The following DCAF6 variants were observed in gnomAD, a reference collection of about 807,000 sequenced individuals.
DCAF6 encodes DDB1 and CUL4 associated factor 6, also known as DDB1- and CUL4-associated factor 6.
In DCAF6, 54 loss-of-function variants were observed where a neutral mutation model predicts 125.1. That is an observed-to-expected ratio of 0.43 (90% CI 0.35 to 0.54). The LOEUF is 0.54. Among genes scored for constraint, DCAF6 ranks in the 20% least tolerant of loss-of-function variants. DCAF6 has a pLI of 0.01. For missense variants in DCAF6, 934 were observed against 1,161.7 expected (o/e 0.80, Z 2.85); for synonymous variants, 371 against 390.4 (o/e 0.95, Z 0.58).
chr1:168,033,887 AT>A (rs572509450), intron 12 of DCAF6, among the ~76,000 whole-genome samples: 298 of 152,302 alleles, frequency 2.0e-3, no homozygotes, highest in African/African-American at 6.5e-3. Context: ...GTTAAAAGGG[AT>A]TTTTTCCCCA....
rs539921883 is a variant in DCAF6, at chr1:168,032,020, A to G, written c.1610-6351A>G. Among the ~76,000 whole-genome samples the G allele has an allele frequency of 2.5e-4, 38 of 152,368 alleles. No individual in the cohort carries two copies. In the South Asian group the frequency reaches 3.5e-3, roughly 14 times the overall value. On this transcript the variant is annotated intron_variant, in intron 12 of 21. Transcript: ENST00000367840. ...TTCAATCTAAATGTATCGAAATCAC[A>G]TATTTAAGTTCAATTCACACTTCTA...
At position 168,063,757 on chromosome 1, in the gene DCAF6, A is replaced by G. The variant is rs781581187; in HGVS notation, c.2437A>G (p.Met813Val). 4 of 1,597,176 alleles carry G rather than the reference A, an allele frequency of 2.5e-6. No homozygotes were observed. Among genetic ancestry groups the G allele is most frequent in the African/African-American group, 2.7e-5 (2 of 73,670 alleles). ...TAAAGGCCATCGCAACTCCAGGACA[A>G]TGGTACCAAATGTTCATGGCATTTT... is the stretch of plus-strand genomic sequence containing the variant. ...VYKGHRNSRTMIKEANFWGAN... is the reference protein window; with the variant it reads ...VYKGHRNSRTVIKEANFWGAN... Residue 813 changes from methionine to valine, a missense_variant and splice_region_variant, in exon 18 of 22, where the codon ATG becomes GTG. Met to Val is a conservative substitution (Grantham distance 21). This residue lies in a region of DCAF6 where 559 missense variants were observed against 635.5 expected (regional missense o/e 0.88). Transcript: ENST00000367840.
intron 17 of DCAF6, among the ~76,000 whole-genome samples, chr1:168,052,895 G>C: frequency 6.6e-6 from 1 of 152,096 alleles, no homozygotes; most frequent in Non-Finnish European, 1.5e-5. Flanking sequence ...ATATAAAGAA[G>C]AAACAAACCC....
At chr1:167,936,244 C>T (rs997142551), upstream of DCAF6, 6 of 231,200 alleles carry the variant, frequency 2.6e-5, no homozygotes, top group Admixed American at 1.6e-4. Context: ...CCTCCTTCTC[C>T]CCATGCCCTC....
chr1:167,895,125 T>C, the DCAF6 span, among the ~76,000 whole-genome samples: 1 of 147,654 alleles, frequency 6.8e-6, no homozygotes, highest in South Asian at 2.1e-4. Context: ...GAGGTTGCAG[T>C]GAGCCCATAT....
chr1:168,050,624 G>T lies in DCAF6; in HGVS notation c.2259-268G>T, dbSNP rs550398191. 6.6e-5 allele frequency among the ~76,000 whole-genome samples: 10 copies of T among 152,230 alleles called. No individual in the cohort carries two copies. In the East Asian group the frequency reaches 1.5e-3, roughly 24 times the overall value. ...GTTTCCCATACTGTGACAGGATTGG[G>T]TTCTGATTTATTTAAAAGATAAAAG... On this transcript the variant is annotated intron_variant, in intron 16 of 21. Coordinates refer to ENST00000367840, the MANE Select transcript of DCAF6 (RefSeq NM_001198956.2).
At chr1:167,999,852 T>C (rs944518423) in intron 7 of DCAF6, among the ~76,000 whole-genome samples, 5 of 152,184 alleles carry the variant, frequency 3.3e-5, no homozygotes, top group Non-Finnish European at 7.4e-5. Context: ...CGTTTTCTTA[T>C]CATTCATATG....
the DCAF6 span, among the ~76,000 whole-genome samples, chr1:167,876,843 C>A: frequency 1.3e-5 from 2 of 152,148 alleles, no homozygotes; most frequent in Non-Finnish European, 2.9e-5. Flanking sequence ...TAGGAAGAGG[C>A]TTGAAAAATG....
intron 10 of DCAF6, among the ~76,000 whole-genome samples, chr1:168,010,372 G>T (rs1684121163): frequency 6.6e-6 from 1 of 152,100 alleles, no homozygotes; most frequent in African/African-American, 2.4e-5. Flanking sequence ...CAAAATGAAT[G>T]CCCTGAAGAA....
chr1:167,873,103 G>A, the DCAF6 span, among the ~76,000 whole-genome samples: 1 of 151,944 alleles, frequency 6.6e-6, no homozygotes, highest in African/African-American at 2.4e-5. Flanking sequence ...CACATAATGT[G>A]TTCTAATGTG....
the DCAF6 span, among the ~76,000 whole-genome samples, chr1:167,879,878 A>T: frequency 1.3e-5 from 2 of 152,188 alleles, no homozygotes; most frequent in Non-Finnish European, 2.9e-5. Flanking sequence ...TTCCATCAAC[A>T]TATAGCCTCC....
the DCAF6 span, among the ~76,000 whole-genome samples, chr1:167,873,049 G>T: frequency 5.3e-5 from 8 of 151,798 alleles, no homozygotes; most frequent in African/African-American, 1.9e-4. Context: ...CAGCCTGGGC[G>T]ACAGAGTGAG....
chr1:168,013,985 C>A (rs1283084113), intron 10 of DCAF6, among the ~76,000 whole-genome samples: 4 of 152,106 alleles, frequency 2.6e-5, no homozygotes, highest in African/African-American at 9.7e-5. Flanking sequence ...GTGATACTCT[C>A]GCCTTGGTCT....
chr1:167,993,755 A>AAACAAC (rs34875817), intron 7 of DCAF6, among the ~76,000 whole-genome samples: 3 of 151,566 alleles, frequency 2.0e-5, no homozygotes, highest in Non-Finnish European at 4.4e-5. Flanking sequence ...GTCTCAGAAA[A>AAACAAC]AACAACAACA....
At chr1:167,912,785 A>C in the DCAF6 span, among the ~76,000 whole-genome samples, 1 of 152,136 alleles carries the variant, frequency 6.6e-6, no homozygotes. Context: ...GTGTTCCTCC[A>C]CTCATCGGAG....
chr1:168,033,968 GT>G (rs1314011063), intron 12 of DCAF6, among the ~76,000 whole-genome samples: 1 of 152,188 alleles, frequency 6.6e-6, no homozygotes, highest in Non-Finnish European at 1.5e-5. Flanking sequence ...GGAAGAAATA[GT>G]TCAGTCTCTT....
At chr1:167,943,951 G>T (rs1557873097) in intron 1 of DCAF6, among the ~76,000 whole-genome samples, 1 of 151,934 alleles carries the variant, frequency 6.6e-6, no homozygotes, top group Non-Finnish European at 1.5e-5. Flanking sequence ...CCATTCTCCT[G>T]CCTCAGCCTC....
intron 1 of DCAF6, among the ~76,000 whole-genome samples, chr1:167,938,877 G>A (rs183632899): frequency 9.2e-5 from 14 of 152,258 alleles, no homozygotes; most frequent in East Asian, 1.9e-4. Context: ...TGGAATTTGT[G>A]TATTGGGTCT....
chr1:168,042,343 CAT>C (rs1688650622), intron 13 of DCAF6, among the ~76,000 whole-genome samples: 1 of 152,056 alleles, frequency 6.6e-6, no homozygotes, highest in Non-Finnish European at 1.5e-5. Flanking sequence ...TCTTGTTACA[CAT>C]ATGCCATGAT....
Sources: gnomAD v4.1 joint callset for allele counts (sites outside exome capture counted in the v4.1 genomes callset) on GRCh38, gnomAD v4.1.1 for gene constraint, gnomAD v4.1.1 regional missense constraint, MANE v1.5 for transcripts, NCBI Gene and HGNC (gene_info 2026-07-23, HGNC 2026-07-21) for gene names.